BMPER: variants seen among roughly 807,000 people sequenced by gnomAD.
The protein encoded by BMPER is BMP-binding endothelial regulator protein.
BMPER carries 45 observed loss-of-function variants against 87.3 expected under a neutral mutation model. The ratio of observed to expected loss-of-function variants is 0.52; its 90% CI spans 0.41 to 0.66. The LOEUF (loss-of-function observed/expected upper bound fraction) is 0.66. Ranked by LOEUF, BMPER falls within the 30% of genes least tolerant of loss-of-function variation. The pLI, the probability that BMPER is intolerant of heterozygous loss-of-function variation, is 0.00. For synonymous variants in BMPER, 326 were observed against 316.2 expected (o/e 1.03, Z -0.33); for missense variants, 784 against 867.5 (o/e 0.90, Z 1.21).
At chr7:34,008,817 C>CT (rs1371747280) in intron 6 of BMPER, among the ~76,000 whole-genome samples, 1 of 151,566 alleles carries the variant, frequency 6.6e-6, no homozygotes, top group Non-Finnish European at 1.5e-5. Flanking sequence ...GCCCTACTTT[C>CT]TTTTTTTTGT....
intron 3 of BMPER, among the ~76,000 whole-genome samples, chr7:33,947,903 T>G (rs994689926): frequency 1.3e-5 from 2 of 152,134 alleles, no homozygotes; most frequent in Non-Finnish European, 2.9e-5. Flanking sequence ...AGCCAGCTAC[T>G]TACCATATAT....
intron 6 of BMPER, among the ~76,000 whole-genome samples, chr7:34,018,415 A>T (rs982958514): frequency 6.6e-6 from 1 of 151,978 alleles, no homozygotes; most frequent in Admixed American, 6.6e-5. Flanking sequence ...ATAGGCAAGC[A>T]GATATCTAGC....
intron 6 of BMPER, among the ~76,000 whole-genome samples, chr7:33,977,799 A>G (rs973312033): frequency 6.6e-6 from 1 of 152,246 alleles, no homozygotes; most frequent in Admixed American, 6.5e-5. Context: ...ACATGCTTAT[A>G]AATACAAATG....
intron 6 of BMPER, among the ~76,000 whole-genome samples, chr7:34,032,231 T>C (rs1787547963): frequency 6.6e-6 from 1 of 151,870 alleles, no homozygotes; most frequent in Non-Finnish European, 1.5e-5. Context: ...CTGAAGGAGC[T>C]CTTAACCCCA....
chr7:34,140,280 G>A (rs753011590), intron 13 of BMPER, among the ~76,000 whole-genome samples: 99 of 152,180 alleles, frequency 6.5e-4, no homozygotes, highest in Non-Finnish European at 1.2e-3. Context: ...CACTGCCAGC[G>A]GGGCAGGGGG....
chr7:34,001,877 A>G (rs570783501), intron 6 of BMPER, among the ~76,000 whole-genome samples: 1 of 151,776 alleles, frequency 6.6e-6, no homozygotes, highest in Non-Finnish European at 1.5e-5. Flanking sequence ...ATTTTCATTC[A>G]TCTAAAAGAA....
rs1298254148 is a variant in BMPER, at chr7:34,156,090, C to T, written c.*2817C>T. On this transcript the variant is annotated 3_prime_UTR_variant, in exon 15 of 15. Coordinates refer to ENST00000649409, the MANE Select transcript of BMPER (RefSeq NM_001365308.1). Reference sequence around the variant, plus strand: ...GTTAAAACTGTGGTACACTAAGAATCACTAACTCTTCAGGTTGAAGGCCTC... The same window carrying T: ...GTTAAAACTGTGGTACACTAAGAATTACTAACTCTTCAGGTTGAAGGCCTC... 6.6e-6 allele frequency among the ~76,000 whole-genome samples: 1 copy of T among 152,170 alleles called. No individual in the cohort carries two copies. The highest frequency in any genetic ancestry group is 1.5e-5 in the Non-Finnish European group (1 of 68,026).
intron 3 of BMPER, among the ~76,000 whole-genome samples, chr7:33,950,305 G>A (rs1398542933): frequency 6.6e-6 from 1 of 152,214 alleles, no homozygotes; most frequent in Non-Finnish European, 1.5e-5. Flanking sequence ...GGTAGTCTCA[G>A]AGGCTCCCAG....
At chr7:33,939,050 A>G (rs1307345254) in intron 3 of BMPER, among the ~76,000 whole-genome samples, 2 of 152,088 alleles carry the variant, frequency 1.3e-5, no homozygotes, top group Non-Finnish European at 2.9e-5. Context: ...AAAAAAGACA[A>G]AAAACGAGGA....
intron 6 of BMPER, among the ~76,000 whole-genome samples, chr7:33,997,485 T>C (rs1250101522): frequency 6.6e-6 from 1 of 152,158 alleles, no homozygotes; most frequent in African/African-American, 2.4e-5. Flanking sequence ...GGCGCTTCCC[T>C]CTTCATGCTC....
intron 9 of BMPER, 77 bp downstream of exon 9, chr7:34,055,380 T>C (rs1788256333): frequency 1.3e-6 from 2 of 1,580,130 alleles, no homozygotes; most frequent in East Asian, 4.5e-5. Flanking sequence ...ACTAGGCAGA[T>C]TGGGTTATCC....
Position 33,963,195 on chromosome 7 carries a change from G to A in BMPER, c.320-3284G>A, listed in dbSNP as rs1313806086. Among the ~76,000 whole-genome samples the A allele has an allele frequency of 2.6e-5, 4 of 152,012 alleles. No homozygotes were observed. The East Asian group carries it at 5.8e-4, about 22-fold the overall frequency. On this transcript the variant is annotated intron_variant, in intron 3 of 14. Transcript: ENST00000649409. ...CTGTAAGTTTGCTTCTATTCTAAAC[G>A]TCAACACTTGAATATATTTATATTA...
rs141905510 is a variant in BMPER, at chr7:34,130,023, G to A, written c.1746-13207G>A. The stretch of plus-strand genomic sequence containing the variant: ...GGCTACTAGCAATGATAAGTGAATA[G>A]GAGGGTAATCTTTTCCCTGTGTTCT... On this transcript the variant is annotated intron_variant, in intron 13 of 14. Coordinates refer to ENST00000649409, the MANE Select transcript of BMPER (RefSeq NM_001365308.1). 7.0e-4 allele frequency among the ~76,000 whole-genome samples: 106 copies of A among 152,120 alleles called. No homozygotes were observed. In the East Asian group the frequency reaches 0.014, roughly 20 times the overall value.
chr7:33,908,557 G>T (rs1483822767), intron 2 of BMPER, among the ~76,000 whole-genome samples: 2 of 152,156 alleles, frequency 1.3e-5, no homozygotes, highest in Non-Finnish European at 2.9e-5. Flanking sequence ...TGAAGGTAAA[G>T]ATTACATCTG....
intron 6 of BMPER, among the ~76,000 whole-genome samples, chr7:34,024,066 ATGAG>A (rs1787272944): frequency 6.6e-6 from 1 of 151,876 alleles, no homozygotes; most frequent in Non-Finnish European, 1.5e-5. Context: ...TAAAAATCTG[ATGAG>A]TATTTTACTT....
chr7:33,922,429 C>T (rs755137559), intron 2 of BMPER, among the ~76,000 whole-genome samples: 36 of 152,212 alleles, frequency 2.4e-4, no homozygotes, highest in Admixed American at 5.2e-4. Flanking sequence ...TCCTCCTCCA[C>T]GCAGCATGGC....
intron 11 of BMPER, among the ~76,000 whole-genome samples, chr7:34,066,839 T>C (rs917709074): frequency 1.1e-4 from 17 of 151,810 alleles, no homozygotes; most frequent in Admixed American, 7.9e-4. Flanking sequence ...GAGAGAGGGA[T>C]GGAGGGAGGG....
intron 13 of BMPER, among the ~76,000 whole-genome samples, chr7:34,091,531 G>T (rs541870739): frequency 2.0e-5 from 3 of 152,290 alleles, no homozygotes; most frequent in African/African-American, 7.2e-5. Flanking sequence ...AGTAGACACC[G>T]CAGTTGTAGC....
intron 13 of BMPER, among the ~76,000 whole-genome samples, chr7:34,099,164 G>C (rs912838594): frequency 6.6e-6 from 1 of 152,192 alleles, no homozygotes; most frequent in African/African-American, 2.4e-5. Context: ...TCCCCGTGTG[G>C]ATGAGGAAAC....
Sources: gnomAD v4.1 joint callset for allele counts (sites outside exome capture counted in the v4.1 genomes callset) on GRCh38, gnomAD v4.1.1 for gene constraint, MANE v1.5 for transcripts, NCBI Gene and HGNC (gene_info 2026-07-23, HGNC 2026-07-21) for gene names.